The following EXOC3L2 variants were observed in gnomAD, a reference collection of about 807,000 sequenced individuals.
EXOC3L2 encodes exocyst complex component 3 like 2.
A neutral mutation model predicts 44.4 loss-of-function variants in EXOC3L2; 17 were observed. That is an observed-to-expected ratio of 0.38 (90% CI 0.26 to 0.57). The LOEUF is 0.57. Among genes scored for constraint, EXOC3L2 ranks in the 20% least tolerant of loss-of-function variants. The pLI is 0.65. For missense variants in EXOC3L2, 541 were observed against 588.4 expected, an observed-to-expected ratio of 0.92 and a Z score of 0.83; for synonymous variants, 256 against 253.7, an observed-to-expected ratio of 1.01 and a Z score of -0.09.
intron 11 of EXOC3L2, among the ~76,000 whole-genome samples, chr19:45,213,625 A>C (rs1599758932): frequency 6.6e-6 from 1 of 150,712 alleles, no homozygotes; most frequent in Non-Finnish European, 1.5e-5. Context: ...CTTCCTTTTC[A>C]CCCCAAGCCT....
chr19:45,232,186 G>A (rs1970038824), intron 3 of EXOC3L2, among the ~76,000 whole-genome samples: 1 of 152,096 alleles, frequency 6.6e-6, no homozygotes, highest in Admixed American at 6.6e-5. Flanking sequence ...TTGCACCTAT[G>A]CTCTGAGGCC....
Position 45,216,198 on chromosome 19 carries a change from C to CA in EXOC3L2, c.1999-5dup. ...CCAGCCACGAGGCCTGGGACTCCTG[C>CA]AGGGGAGGGAGGGTGCGGGGTCACA... On this transcript the variant is annotated splice_polypyrimidine_tract_variant and splice_region_variant and intron_variant, in intron 10 of 11. Coordinates refer to ENST00000413988, the MANE Select transcript of EXOC3L2 (RefSeq NM_001382422.1). 3 of 1,613,524 alleles carry CA rather than the reference C, an allele frequency of 1.9e-6. No individual in the cohort carries two copies. The highest frequency in any genetic ancestry group is 2.5e-6 in the Non-Finnish European group (3 of 1,179,860).
rs765082833 is a variant in EXOC3L2, at chr19:45,213,368, A to G, written c.2121-11T>C. On this transcript the variant is annotated splice_polypyrimidine_tract_variant and intron_variant, in intron 11 of 11. Transcript: ENST00000413988. ...GCCACGTGCTTCTGCCTGTGGGGAG[A>G]GGAACAGACAGGTGCATGCAGATCC... 1 of 1,612,024 alleles carries G rather than the reference A, an allele frequency of 6.2e-7. No individual in the cohort carries two copies. The highest frequency in any genetic ancestry group is 1.7e-5 in the Admixed American group (1 of 59,596).
intron 4 of EXOC3L2, among the ~76,000 whole-genome samples, chr19:45,229,851 A>ATG (rs200736828): frequency 0.072 from 8,679 of 120,730 alleles, 692 homozygotes; most frequent in African/African-American, 0.27. Context: ...GTCTCAAAAT[A>ATG]TATATATGTG....
chr19:45,222,651 T>C (rs1180299910), intron 8 of EXOC3L2, among the ~76,000 whole-genome samples: 1 of 152,128 alleles, frequency 6.6e-6, no homozygotes, highest in African/African-American at 2.4e-5. Flanking sequence ...CCTCAAAACA[T>C]ACATAGTGGT....
Position 45,234,591 on chromosome 19 carries a change from C to A in EXOC3L2, c.759G>T (p.Ala253=). ...GCGCCACCGCGCCAGCCCCGGCGCACGCTCCCGGCCCGGGGCCCGCCAGCG... is the reference window on the plus strand; with the variant it reads ...GCGCCACCGCGCCAGCCCCGGCGCAAGCTCCCGGCCCGGGGCCCGCCAGCG... The part of the protein sequence containing the change: ...RETLAGPGPG[A]CAGAGAVAQL... Residue 253 remains alanine, a synonymous_variant, in exon 3 of 12, where the codon GCG becomes GCT. Transcript: ENST00000413988. The surrounding 1 kb of genome is among the most constrained non-coding windows in gnomAD (Gnocchi z 5.0). 1 of 281,250 alleles carries A rather than the reference C, an allele frequency of 3.6e-6. No homozygotes were observed. Among genetic ancestry groups the A allele is most frequent in the Non-Finnish European group, 6.7e-6 (1 of 150,134 alleles). 17.4% of individuals were successfully genotyped at this position (281,250 alleles called of 1,614,324 possible).
intron 1 of EXOC3L2, among the ~76,000 whole-genome samples, chr19:45,239,902 C>T (rs1970117013): frequency 6.6e-6 from 1 of 151,998 alleles, no homozygotes; most frequent in South Asian, 2.1e-4. Context: ...CCCAAGATGA[C>T]ACAGTCAGTC....
At chr19:45,218,522 C>T (rs967956544) in intron 8 of EXOC3L2, among the ~76,000 whole-genome samples, 5 of 152,056 alleles carry the variant, frequency 3.3e-5, no homozygotes, top group African/African-American at 1.2e-4. Context: ...GTAGTGATGA[C>T]CCAAAGCTGG....
At chr19:45,219,362 C>T (rs1969872513) in intron 8 of EXOC3L2, among the ~76,000 whole-genome samples, 1 of 141,422 alleles carries the variant, frequency 7.1e-6, no homozygotes, top group African/African-American at 2.8e-5. Flanking sequence ...ATACTGCACT[C>T]CAGCCTGGGT....
intron 2 of EXOC3L2, among the ~76,000 whole-genome samples, chr19:45,236,575 G>A (rs757544880): frequency 2.0e-5 from 3 of 151,972 alleles, no homozygotes; most frequent in Non-Finnish European, 4.4e-5. Flanking sequence ...GGAGGTTGGG[G>A]ATGGGGGTTT....
rs748279044 is a variant in EXOC3L2 at position 45,228,086 on chromosome 19, A to G, written c.1372-12T>C. 2 of 1,613,966 alleles carry G rather than the reference A, an allele frequency of 1.2e-6. No individual in the cohort carries two copies. The highest frequency in any genetic ancestry group is 1.7e-6 in the Non-Finnish European group (2 of 1,180,016). ...TGCTCTTCCAGCAGCTGTGAGGTCC[A>G]GGGCGACAAGAAGAGGTGAGGAGGG... On this transcript the variant is annotated splice_polypyrimidine_tract_variant and intron_variant, in intron 5 of 11. Transcript: ENST00000413988.
chr19:45,218,060 ACC>A, intron 9 of EXOC3L2, 135 bp downstream of exon 9: 1 of 1,230,860 alleles, frequency 8.1e-7, no homozygotes. Context: ...GCCGCTCCCC[ACC>A]TTAGAGGGGT....
In EXOC3L2 at chr19:45,213,138, G is replaced by C; in HGVS notation, c.2340C>G (p.Ala780=). 6.3e-7 allele frequency: 1 copy of C among 1,582,034 alleles called. No homozygotes were observed. The highest frequency in any genetic ancestry group is 1.1e-5 in the South Asian group (1 of 88,012). ...FLGRLPLSRL[A]RPSLACLPRP... ...GAGGCAGACAGGCCAAACTGGGCCT[G>C]GCCAGCCGGGAGAGGGGGAGGCGGC... Residue 780 remains alanine (A), a synonymous_variant, in exon 12 of 12, where the codon GCC becomes GCG. Transcript: ENST00000413988.
chr19:45,229,575 G>A (rs983823654), intron 4 of EXOC3L2, among the ~76,000 whole-genome samples: 2 of 148,736 alleles, frequency 1.3e-5, no homozygotes, highest in African/African-American at 4.9e-5. Context: ...ACCAGGTGCG[G>A]TGGCTTATGC....
At chr19:45,223,630 C>T (rs1247203312) in intron 8 of EXOC3L2, among the ~76,000 whole-genome samples, 2 of 150,600 alleles carry the variant, frequency 1.3e-5, no homozygotes, top group East Asian at 4.2e-4. Context: ...GCGTGAGCCA[C>T]CGCACCCAGT....
At chr19:45,213,615 C>G (rs752069187) in intron 11 of EXOC3L2, among the ~76,000 whole-genome samples, 6 of 152,220 alleles carry the variant, frequency 3.9e-5, no homozygotes, top group Middle Eastern at 6.8e-3. Flanking sequence ...GCCCTGGGAT[C>G]TTCCTTTTCA....
chr19:45,213,668 G>A (rs1696175849), intron 11 of EXOC3L2, among the ~76,000 whole-genome samples: 1 of 152,048 alleles, frequency 6.6e-6, no homozygotes, highest in African/African-American at 2.4e-5. Context: ...TTCTCAGCTG[G>A]GTGCCGTGGC....
At chr19:45,232,240 C>T (rs1406350097) in intron 3 of EXOC3L2, among the ~76,000 whole-genome samples, 3 of 152,120 alleles carry the variant, frequency 2.0e-5, no homozygotes, top group African/African-American at 4.8e-5. Context: ...GTCCAGCCCT[C>T]TCTCCCCACC....
At chr19:45,227,827 G>A (rs1969982345) in intron 6 of EXOC3L2, 55 bp from the exon 7 acceptor site, 1 of 1,558,436 alleles carries the variant, frequency 6.4e-7, no homozygotes, top group South Asian at 1.2e-5. Flanking sequence ...TCCCTCGTGG[G>A]CACCCAGCCT....
Sources: allele counts gnomAD v4.1 joint callset (sites outside exome capture counted in the v4.1 genomes callset), GRCh38; gene constraint gnomAD v4.1.1; non-coding constraint Gnocchi (gnomAD v3.1); transcripts MANE v1.5; gene names NCBI Gene and HGNC (gene_info 2026-07-23, HGNC 2026-07-21).